Variants in EPN2 observed in about 807,000 individuals in gnomAD.
The protein encoded by EPN2 is epsin-2.
EPN2 carries 34 observed loss-of-function variants against 61.7 expected under a neutral mutation model. The observed-to-expected ratio is 0.55, with a 90% CI of 0.42 to 0.73. The LOEUF (loss-of-function observed/expected upper bound fraction) is 0.73, where lower values mean the gene tolerates loss of function less well. Among genes scored for constraint, EPN2 ranks in the 30% least tolerant of loss-of-function variants. The probability of loss-of-function intolerance (pLI) is 0.00; values close to 1 mark genes in which losing one functional copy is unlikely to be tolerated. For missense variants in EPN2, 714 were observed against 839.2 expected (o/e 0.85, Z 1.84); for synonymous variants, 349 against 353.6 (o/e 0.99, Z 0.15).
At chr17:19,304,886 T>G (rs1905750445) in intron 4 of EPN2, among the ~76,000 whole-genome samples, 1 of 152,192 alleles carries the variant, frequency 6.6e-6, no homozygotes. Context: ...TGGGGTCTTC[T>G]CACGCCCCCA....
At chr17:19,324,686 A>G (rs1185175941) in intron 7 of EPN2, among the ~76,000 whole-genome samples, 1 of 152,228 alleles carries the variant, frequency 6.6e-6, no homozygotes, top group Non-Finnish European at 1.5e-5. Context: ...ATAGTAAAAT[A>G]AATTTATAGC....
At chr17:19,287,670 A>T (rs2045419118) in intron 4 of EPN2, among the ~76,000 whole-genome samples, 2 of 152,138 alleles carry the variant, frequency 1.3e-5, no homozygotes, top group Admixed American at 1.3e-4. Context: ...GTCAGGTGAG[A>T]TGCAGGCTGT....
At chr17:19,271,618 C>T (rs1258160579) in intron 1 of EPN2, 2 of 152,362 alleles carry the variant, frequency 1.3e-5, no homozygotes, top group Non-Finnish European at 2.9e-5. Context: ...ATCACTACCA[C>T]CAGTCCCTGC....
rs531286035 is a variant in EPN2, at chr17:19,283,408, C to G, written c.289C>G (p.Arg97Gly). 6.2e-7 allele frequency: 1 copy of G among 1,614,148 alleles called. No homozygotes were observed. The highest frequency in any genetic ancestry group is 1.1e-5 in the South Asian group (1 of 91,076). The change falls in exon 3 of 11, where the codon CGG becomes GGG. Residue 97 changes from arginine (R) to glycine (G), a missense_variant. Physicochemically the swap from Arg to Gly is moderately radical, Grantham distance 125. Around this residue, in one of 2 missense-constraint regions of EPN2, gnomAD observed 304 missense variants for 417.4 expected, o/e 0.73. Transcript: ENST00000314728. The surrounding 1 kb of genome is among the most constrained non-coding windows in gnomAD (Gnocchi z 7.0). ...CTCCGAACGTGTGGCCCAGCAGTGC[C>G]GGGAGAACATCTTCGCCATCCAGAC... ...TGSERVAQQC[R>G]ENIFAIQTLK...
intron 4 of EPN2, among the ~76,000 whole-genome samples, chr17:19,295,369 CGCGT>C (rs1555600597): frequency 2.4e-3 from 319 of 130,656 alleles, no homozygotes; most frequent in African/African-American, 4.3e-3. Flanking sequence ...CACACACACG[CGCGT>C]GCGCGCAAAA....
At chr17:19,311,990 G>A in intron 5 of EPN2, 62 bp from the exon 6 acceptor site, 16 of 1,085,358 alleles carry the variant, frequency 1.5e-5, no homozygotes, top group Non-Finnish European at 1.4e-6. Flanking sequence ...TTTCTGGCCA[G>A]TGTGGCTTTG....
chr17:19,240,250 A>T (rs1296389510), intron 1 of EPN2, among the ~76,000 whole-genome samples: 3 of 145,640 alleles, frequency 2.1e-5, no homozygotes, highest in Non-Finnish European at 4.6e-5. Flanking sequence ...GATTTGGGGA[A>T]TTTTTTTTTT....
At chr17:19,241,073 G>T (rs1222447798) in intron 1 of EPN2, among the ~76,000 whole-genome samples, 1 of 152,146 alleles carries the variant, frequency 6.6e-6, no homozygotes, top group Admixed American at 6.6e-5. Flanking sequence ...GCCAGTAAGT[G>T]ATTTGAACAG....
intron 9 of EPN2, among the ~76,000 whole-genome samples, chr17:19,330,185 G>T (rs543975253): frequency 6.6e-6 from 1 of 152,356 alleles, no homozygotes; most frequent in East Asian, 1.9e-4. Context: ...GGTGGGCCTG[G>T]AGGGGTGGAG....
At chr17:19,313,591 GTTA>G in intron 7 of EPN2, 1 of 334,082 alleles carries the variant, frequency 3.0e-6, no homozygotes, top group Non-Finnish European at 5.5e-6. Flanking sequence ...CAGCCTCAGC[GTTA>G]CACCCAGCGT....
chr17:19,245,476 G>T (rs1347504897), intron 1 of EPN2, among the ~76,000 whole-genome samples: 1 of 139,458 alleles, frequency 7.2e-6, no homozygotes, highest in Non-Finnish European at 1.5e-5. Flanking sequence ...GCAGTGGCGG[G>T]ATCTCAGCTC....
At chr17:19,288,241 C>T (rs750092689) in intron 4 of EPN2, among the ~76,000 whole-genome samples, 1 of 152,216 alleles carries the variant, frequency 6.6e-6, no homozygotes, top group Non-Finnish European at 1.5e-5. Flanking sequence ...CTGGGCTTTC[C>T]TTTTGAAGCC....
At chr17:19,290,392 G>C (rs533571912) in intron 4 of EPN2, among the ~76,000 whole-genome samples, 277 of 152,234 alleles carry the variant, frequency 1.8e-3, no homozygotes, top group Admixed American at 3.1e-3. Context: ...TGGGGTAGAC[G>C]GAACCTACAT....
Position 19,329,559 on chromosome 17 carries a change from AG to A in EPN2, c.1326del. On this transcript the variant is annotated splice_acceptor_variant, in intron 8 of 10. Coordinates refer to ENST00000314728, the MANE Select transcript of EPN2 (RefSeq NM_014964.5). LOFTEE classifies it high-confidence loss of function. ...CAGTCATTGGCTTCTGTGTCCACCC[AG>A]GGTCCTTTGAGCTCTTCAGTAATCT... is the stretch of plus-strand genomic sequence containing the variant. The A allele has an allele frequency of 6.2e-7, 1 of 1,605,868 alleles. No homozygotes were observed. The highest frequency in any genetic ancestry group is 8.5e-7 in the Non-Finnish European group (1 of 1,172,928).
Position 19,329,594 on chromosome 17 carries a change from C to T in EPN2, c.1358C>T (p.Thr453Ile), listed in dbSNP as rs1427351548. ...GAGCTCTTCAGTAATCTGAATGGTA[C>T]AATTAAAGATGACTTTTCTGAATTT... ...SFELFSNLNG[T>I]IKDDFSEFDN... Residue 453 changes from threonine to isoleucine, a missense_variant, in exon 9 of 11, where the codon ACA becomes ATA. Physicochemically the swap from Thr to Ile is moderately conservative, Grantham distance 89. Coordinates refer to ENST00000314728, the MANE Select transcript of EPN2 (RefSeq NM_014964.5). 1 of 1,613,252 alleles carries T rather than the reference C, an allele frequency of 6.2e-7. No homozygotes were observed. The highest frequency in any genetic ancestry group is 1.1e-5 in the South Asian group (1 of 91,014).
chr17:19,301,100 G>T (rs1285721402), intron 4 of EPN2, among the ~76,000 whole-genome samples: 1 of 152,148 alleles, frequency 6.6e-6, no homozygotes, highest in Non-Finnish European at 1.5e-5. Flanking sequence ...TGCGTGGCAG[G>T]TGCTGGGGGA....
chr17:19,239,419 T>G (rs1278557573), intron 1 of EPN2, among the ~76,000 whole-genome samples: 2 of 152,272 alleles, frequency 1.3e-5, no homozygotes, highest in Admixed American at 6.5e-5. Flanking sequence ...CCCAAAGTGC[T>G]GGGATTACAG....
intron 8 of EPN2, chr17:19,329,221 G>C (rs752241034): frequency 2.3e-6 from 1 of 427,338 alleles, no homozygotes; most frequent in Non-Finnish European, 4.2e-6. Context: ...ACTCCTTCTG[G>C]TGACTTCCTA....
At chr17:19,271,554 G>A (rs1033483234) in intron 1 of EPN2, 1 of 152,224 alleles carries the variant, frequency 6.6e-6, no homozygotes, top group Non-Finnish European at 1.5e-5. Flanking sequence ...CTAAGATCCT[G>A]GCTCACTGCC....
Sources: allele counts gnomAD v4.1 joint callset (sites outside exome capture counted in the v4.1 genomes callset), GRCh38; gene constraint gnomAD v4.1.1; regional missense constraint gnomAD v4.1.1; non-coding constraint Gnocchi (gnomAD v3.1); transcripts MANE v1.5; gene names NCBI Gene and HGNC (gene_info 2026-07-23, HGNC 2026-07-21).